ADAM7: variants seen among roughly 807,000 people sequenced by gnomAD.
The protein encoded by ADAM7 is ADAM metallopeptidase domain 7, also known as disintegrin and metalloproteinase domain-containing protein 7.
In ADAM7, 97 loss-of-function variants were observed where a neutral mutation model predicts 102.9. The ratio of observed to expected loss-of-function variants is 0.94; its 90% CI spans 0.80 to 1.12. The LOEUF (loss-of-function observed/expected upper bound fraction) is 1.12, where lower values mean the gene tolerates loss of function less well. ADAM7 is among the 50% of genes most tolerant of loss of function. The pLI is 0.00. For synonymous variants in ADAM7, 334 were observed against 304.4 expected (o/e 1.10, Z -1.01); for missense variants, 991 against 908.7 (o/e 1.09, Z -1.16).
In ADAM7 at chr8:24,500,833, T is replaced by A; in HGVS notation, c.2046T>A (p.Gly682=). 6.2e-7 allele frequency: 1 copy of A among 1,613,508 alleles called. No homozygotes were observed. Reference sequence around the variant, plus strand: ...TTGTGCTTGTCCTGGTTATTGTCGGTATCGGAGTTCTTATACTATTAGTTC... The same window carrying A: ...TTGTGCTTGTCCTGGTTATTGTCGGAATCGGAGTTCTTATACTATTAGTTC... The part of the protein sequence containing the change: ...LVVVLVLVIV[G]IGVLILLVRY... The change falls in exon 19 of 22, where the codon GGT becomes GGA. Residue 682 remains glycine (G), a synonymous_variant. Transcript: ENST00000175238.
At chr8:24,462,384 C>T (rs1819274322) in intron 3 of ADAM7, among the ~76,000 whole-genome samples, 3 of 152,150 alleles carry the variant, frequency 2.0e-5, no homozygotes. Flanking sequence ...TGTTATATGG[C>T]TTTTCAAATA....
At chr8:24,460,311 T>C (rs1819193862) in intron 3 of ADAM7, among the ~76,000 whole-genome samples, 1 of 152,104 alleles carries the variant, frequency 6.6e-6, no homozygotes, top group Admixed American at 6.5e-5. Flanking sequence ...TGATTTTTAA[T>C]AGGAATGTTA....
rs934874132 is a variant in ADAM7 at position 24,442,603 on chromosome 8, A to G, written c.156+27A>G. On this transcript the variant is annotated intron_variant, in intron 2 of 21. Transcript: ENST00000175238. Reference sequence around the variant, plus strand: ...TACAAGTTTTGATTTAGTAAATAAGATTTGTTGCTTTCACAGGCATGTAGA... The same window carrying G: ...TACAAGTTTTGATTTAGTAAATAAGGTTTGTTGCTTTCACAGGCATGTAGA... The G allele has an allele frequency of 7.7e-6, 12 of 1,567,620 alleles. No homozygotes were observed. The African/African-American group carries it at 1.4e-4, about 18-fold the overall frequency.
intron 20 of ADAM7, among the ~76,000 whole-genome samples, chr8:24,504,204 TA>T: frequency 6.6e-6 from 1 of 151,600 alleles, no homozygotes; most frequent in Non-Finnish European, 1.5e-5. Flanking sequence ...TTTGTCTATA[TA>T]AAAAAAGAAA....
chr8:24,466,487 C>T (rs1231906624), intron 5 of ADAM7, among the ~76,000 whole-genome samples: 2 of 152,146 alleles, frequency 1.3e-5, no homozygotes, highest in Admixed American at 1.3e-4. Context: ...TAGAAACTCA[C>T]ATAATTTTTG....
At chr8:24,454,787 G>A (rs144568217) in intron 3 of ADAM7, among the ~76,000 whole-genome samples, 74 of 152,162 alleles carry the variant, frequency 4.9e-4, no homozygotes, top group African/African-American at 1.4e-3. Flanking sequence ...GTTCCTATTC[G>A]TCCATCTTGG....
intron 7 of ADAM7, among the ~76,000 whole-genome samples, chr8:24,475,424 G>A (rs886812772): frequency 6.6e-6 from 1 of 152,118 alleles, no homozygotes; most frequent in East Asian, 1.9e-4. Context: ...TAGAAACCAA[G>A]AAGAAATTTC....
chr8:24,476,878 T>C (rs1378817898), intron 8 of ADAM7, among the ~76,000 whole-genome samples: 1 of 152,188 alleles, frequency 6.6e-6, no homozygotes, highest in Non-Finnish European at 1.5e-5. Flanking sequence ...TGGTTTGGCA[T>C]AGAAAGTGGA....
chr8:24,476,488 T>A lies in ADAM7; in HGVS notation c.689T>A (p.Val230Asp), dbSNP rs1488318331. Residue 230 changes from valine to aspartate, a missense_variant, in exon 8 of 22, where the codon GTC becomes GAC. Val to Asp is a radical substitution (Grantham distance 152). Coordinates refer to ENST00000175238, the MANE Select transcript of ADAM7 (RefSeq NM_003817.4). ...CTAAGGAACCGAATTTGGGGAATGG[T>A]CAATTTTGTCAACATGGTAAGATTT... ...NKLRNRIWGM[V>D]NFVNMIYKTL... 1.9e-6 allele frequency: 3 copies of A among 1,608,170 alleles called. No individual in the cohort carries two copies. The East Asian group carries it at 6.7e-5, about 36-fold the overall frequency.
Position 24,506,179 on chromosome 8 carries a change from T to C in ADAM7, c.2209-1301T>C, listed in dbSNP as rs761523746. ...CTGGTACGTTCCCCTCCCCTTCCTCTTGGTGGTGGGCTATGTCCTTTCCAA... is the reference window on the plus strand; with the variant it reads ...CTGGTACGTTCCCCTCCCCTTCCTCCTGGTGGTGGGCTATGTCCTTTCCAA... On this transcript the variant is annotated intron_variant, in intron 20 of 21. Transcript: ENST00000175238. The C allele has an allele frequency of 3.3e-6, 5 of 1,521,424 alleles. No homozygotes were observed. The South Asian group carries it at 6.0e-5, about 18-fold the overall frequency. 94.2% of individuals were successfully genotyped at this position (1,521,424 alleles called of 1,614,324 possible). A position where few individuals can be genotyped will look rare whatever the true frequency, so the allele number is the denominator to read the frequency against.
rs149923869 is a variant in ADAM7 at position 24,483,120 on chromosome 8, T to C, written c.875+809T>C. ...TGATAAGTGAAACCTGTCAGAGCTT[T>C]AATATTCCTAAGTAAAAGCGTGACT... is the stretch of plus-strand genomic sequence containing the variant. On this transcript the variant is annotated intron_variant, in intron 9 of 21. Coordinates refer to ENST00000175238, the MANE Select transcript of ADAM7 (RefSeq NM_003817.4). Among the ~76,000 whole-genome samples, 568 of 152,336 alleles carry C rather than the reference T, an allele frequency of 3.7e-3. 4 individuals carry two copies. Among genetic ancestry groups the C allele is most frequent in the Non-Finnish European group, 3.5e-3 (239 of 68,028 alleles).
intron 8 of ADAM7, among the ~76,000 whole-genome samples, chr8:24,479,508 T>A (rs757270637): frequency 2.0e-4 from 30 of 152,050 alleles, no homozygotes; most frequent in Non-Finnish European, 3.4e-4. Context: ...GATTTTATAA[T>A]TTTTTGCAAA....
intron 7 of ADAM7, among the ~76,000 whole-genome samples, chr8:24,474,656 C>T (rs750261948): frequency 6.6e-6 from 1 of 151,872 alleles, no homozygotes; most frequent in African/African-American, 2.4e-5. Flanking sequence ...TTTGAGAAGC[C>T]GAGGTGGGAG....
chr8:24,442,634 G>T, intron 2 of ADAM7, 58 bp downstream of exon 2: 1 of 1,359,394 alleles, frequency 7.4e-7, no homozygotes. Flanking sequence ...GTAGACAGTT[G>T]TCTCTAGCTC....
At chr8:24,476,602 AAG>A in intron 8 of ADAM7, 98 bp downstream of exon 8, 2 of 839,550 alleles carry the variant, frequency 2.4e-6, no homozygotes, top group Non-Finnish European at 3.7e-6. Context: ...ACCTGATATT[AAG>A]GGAGTACAAA....
chr8:24,500,596 G>A (rs1311629494), intron 18 of ADAM7, among the ~76,000 whole-genome samples, 194 bp from the exon 19 acceptor site: 1 of 152,150 alleles, frequency 6.6e-6, no homozygotes, highest in East Asian at 1.9e-4. Context: ...TGGGTGGAGT[G>A]TCAGTTGCAA....
chr8:24,469,178 C>T (rs1334903703), intron 7 of ADAM7, among the ~76,000 whole-genome samples: 1 of 152,064 alleles, frequency 6.6e-6, no homozygotes. Flanking sequence ...AATTTAAAGG[C>T]TTGGTGACCC....
At chr8:24,459,250 CA>C (rs199787637) in intron 3 of ADAM7, among the ~76,000 whole-genome samples, 42 of 149,618 alleles carry the variant, frequency 2.8e-4, no homozygotes, top group African/African-American at 7.3e-4. Context: ...TTACAGTTTT[CA>C]AAAAAAAATG....
chr8:24,493,529 A>C (rs1036370243), intron 16 of ADAM7, among the ~76,000 whole-genome samples: 1 of 152,170 alleles, frequency 6.6e-6, no homozygotes, highest in African/African-American at 2.4e-5. Flanking sequence ...TGTGAGTATA[A>C]AGTAGCCTTA....
Sources: gnomAD v4.1 joint callset for allele counts (sites outside exome capture counted in the v4.1 genomes callset) on GRCh38, gnomAD v4.1.1 for gene constraint, MANE v1.5 for transcripts, NCBI Gene and HGNC (gene_info 2026-07-23, HGNC 2026-07-21) for gene names.